Variants in CSNK1A1 observed in about 807,000 individuals in gnomAD.
CSNK1A1 encodes casein kinase I isoform alpha.
CSNK1A1 carries 7 observed loss-of-function variants against 46.1 expected under a neutral mutation model. That is an observed-to-expected ratio of 0.15 (90% CI 0.09 to 0.29). The LOEUF is 0.29. Ranked by LOEUF, CSNK1A1 falls within the 10% of genes least tolerant of loss-of-function variation. The pLI is 1.00. For synonymous variants in CSNK1A1, 137 were observed against 141.5 expected (o/e 0.97, Z 0.23); for missense variants, 96 against 417.1 (o/e 0.23, Z 6.71).
rs117165828 is a variant in CSNK1A1, at chr5:149,527,393, T to C, written c.231-2222A>G. Among the ~76,000 whole-genome samples, 836 of 152,292 alleles carry C rather than the reference T, an allele frequency of 5.5e-3. 19 individuals carry two copies. In the East Asian group the frequency reaches 0.081, roughly 15 times the overall value. On this transcript the variant is annotated intron_variant, in intron 2 of 9. Transcript: ENST00000377843. The stretch of plus-strand genomic sequence containing the variant: ...TCCACCTCTTGGCCTCCCAAAGTCC[T>C]GGGATTACAGGTTTGAGCCACCACA...
chr5:149,540,897 G>A lies in CSNK1A1; in HGVS notation c.230+9178C>T, dbSNP rs113331079. ...GTCCAAGACCAGCCTGGCCAATACG[G>A]TGAAACCCCATTTCTACAAAAATAC... On this transcript the variant is annotated intron_variant, in intron 2 of 9. Transcript: ENST00000377843. Among the ~76,000 whole-genome samples the A allele has an allele frequency of 2.4e-3, 359 of 151,874 alleles. 1 individual carries two copies. The highest frequency in any genetic ancestry group is 4.4e-3 in the Admixed American group (67 of 15,244).
intron 2 of CSNK1A1, among the ~76,000 whole-genome samples, chr5:149,543,035 A>G (rs1762354313): frequency 6.6e-6 from 1 of 152,030 alleles, no homozygotes; most frequent in South Asian, 2.1e-4. Context: ...CCTGCAATCC[A>G]CAGATTCAAA....
Position 149,511,685 on chromosome 5 carries a change from T to G in CSNK1A1, c.675+109A>C. On this transcript the variant is annotated intron_variant, in intron 6 of 9. Coordinates refer to ENST00000377843, the MANE Select transcript of CSNK1A1 (RefSeq NM_001892.6). ...AGTAAATTAAGGTTAATTCTTTATA[T>G]CTCAGAAAAATCTCAGACTTAGAAG... The G allele has an allele frequency of 5.3e-6, 4 of 751,852 alleles. No individual in the cohort carries two copies. In the South Asian group the frequency reaches 6.9e-5, roughly 13 times the overall value. 46.6% of individuals were successfully genotyped at this position (751,852 alleles called of 1,614,324 possible).
chr5:149,550,200 A>T lies in CSNK1A1; in HGVS notation c.124-19T>A. ...CCACTTCCTGCAGGGGAAAGAGGGGATGATGGCATCAACATCCCTACGGAT... is the reference window on the plus strand; with the variant it reads ...CCACTTCCTGCAGGGGAAAGAGGGGTTGATGGCATCAACATCCCTACGGAT... On this transcript the variant is annotated intron_variant, in intron 1 of 9. Transcript: ENST00000377843. The surrounding 1 kb of genome is among the most constrained non-coding windows in gnomAD (Gnocchi z 4.3). 1 of 1,611,790 alleles carries T rather than the reference A, an allele frequency of 6.2e-7. No homozygotes were observed. Among genetic ancestry groups the T allele is most frequent in the Non-Finnish European group, 8.5e-7 (1 of 1,178,804 alleles).
At position 149,519,403 on chromosome 5, in the gene CSNK1A1, A is replaced by G. The variant is rs572280800; in HGVS notation, c.456+887T>C. ...AAAAAAAGCCCCCAAGTTGTCCTGA[A>G]GTTGAGAATTTCTATCAGATAGATC... On this transcript the variant is annotated intron_variant, in intron 4 of 9. Transcript: ENST00000377843. Among the ~76,000 whole-genome samples, 33 of 152,360 alleles carry G rather than the reference A, an allele frequency of 2.2e-4. 1 individual carries two copies. Among genetic ancestry groups the G allele is most frequent in the African/African-American group, 6.7e-4 (28 of 41,592 alleles).
intron 2 of CSNK1A1, among the ~76,000 whole-genome samples, chr5:149,534,617 T>C (rs1762005899): frequency 6.6e-6 from 1 of 151,958 alleles, no homozygotes; most frequent in Non-Finnish European, 1.5e-5. Context: ...TCTATGGTTT[T>C]ACTGTGTCAT....
intron 2 of CSNK1A1, among the ~76,000 whole-genome samples, chr5:149,534,024 T>C (rs562799177): frequency 1.3e-5 from 2 of 152,214 alleles, no homozygotes; most frequent in Non-Finnish European, 2.9e-5. Flanking sequence ...TTGTACAACT[T>C]TGTACATATA....
chr5:149,497,558 AG>A, intron 9 of CSNK1A1: 1 of 985,422 alleles, frequency 1.0e-6, no homozygotes. Flanking sequence ...CCCTAGGCCA[AG>A]TTTGAATACA....
Position 149,496,876 on chromosome 5 carries a change from A to G in CSNK1A1, c.1007-16T>C. The G allele has an allele frequency of 6.5e-7, 1 of 1,542,994 alleles. No individual in the cohort carries two copies. Among genetic ancestry groups the G allele is most frequent in the Non-Finnish European group, 8.7e-7 (1 of 1,147,068 alleles). The stretch of plus-strand genomic sequence containing the variant: ...GCTTAGAAACCTGGTAAAAAATCAA[A>G]ACAAAAAAAAAGTTAAAATTCCAAG... On this transcript the variant is annotated splice_polypyrimidine_tract_variant and intron_variant, in intron 9 of 9. Transcript: ENST00000377843.
intron 2 of CSNK1A1, among the ~76,000 whole-genome samples, chr5:149,541,398 CCGCCTTGGCCT>C (rs1369978457): frequency 1.3e-5 from 2 of 151,992 alleles, no homozygotes; most frequent in Non-Finnish European, 2.9e-5. Flanking sequence ...AGTGATCCGC[CCGCCTTGGCCT>C]CCCAAAGTGC....
intron 2 of CSNK1A1, among the ~76,000 whole-genome samples, chr5:149,532,372 T>C (rs1451168364): frequency 6.9e-6 from 1 of 145,772 alleles, no homozygotes; most frequent in Admixed American, 6.9e-5. Context: ...GGCCACAGAG[T>C]GAGACTTAGT....
intron 7 of CSNK1A1, among the ~76,000 whole-genome samples, chr5:149,507,593 C>G (rs1301918193): frequency 6.6e-6 from 1 of 152,130 alleles, no homozygotes; most frequent in East Asian, 1.9e-4. Flanking sequence ...TCCTGAGTAG[C>G]TGGGACTACA....
In CSNK1A1 at chr5:149,550,251, G is replaced by GT. The variant is rs1762612939; in HGVS notation, c.124-71_124-70insA. On this transcript the variant is annotated intron_variant, in intron 1 of 9. Transcript: ENST00000377843. The surrounding 1 kb of genome is among the most constrained non-coding windows in gnomAD (Gnocchi z 4.3). ...TCAATGTCACTTAGGAAAGGAGGGA[G>GT]ACATTAGCAAAACTCCAAGTCGCGA... 3 of 1,561,040 alleles carry GT rather than the reference G, an allele frequency of 1.9e-6. No homozygotes were observed. Among genetic ancestry groups the GT allele is most frequent in the Non-Finnish European group, 2.6e-6 (3 of 1,153,844 alleles).
At chr5:149,539,164 G>A (rs1164949881) in intron 2 of CSNK1A1, among the ~76,000 whole-genome samples, 2 of 151,948 alleles carry the variant, frequency 1.3e-5, no homozygotes, top group Non-Finnish European at 2.9e-5. Context: ...TGATTACATG[G>A]GATTATATGT....
At chr5:149,498,394 G>T (rs1449687503) in intron 9 of CSNK1A1, 3 of 985,314 alleles carry the variant, frequency 3.0e-6, no homozygotes, top group South Asian at 9.4e-5. Context: ...ATGTTATTAA[G>T]AAGTATTAGC....
At chr5:149,519,574 C>T (rs969666001) in intron 4 of CSNK1A1, among the ~76,000 whole-genome samples, 20 of 152,120 alleles carry the variant, frequency 1.3e-4, no homozygotes, top group Admixed American at 9.2e-4. Flanking sequence ...TGCAATCATG[C>T]GCCACTAGCT....
chr5:149,528,718 T>C (rs1761795437), intron 2 of CSNK1A1, among the ~76,000 whole-genome samples: 1 of 152,216 alleles, frequency 6.6e-6, no homozygotes, highest in African/African-American at 2.4e-5. Flanking sequence ...AGCCATTAAC[T>C]ATTGCTTGTG....
At chr5:149,520,171 G>C in intron 4 of CSNK1A1, 119 bp downstream of exon 4, 2 of 606,972 alleles carry the variant, frequency 3.3e-6, no homozygotes, top group Non-Finnish European at 5.8e-6. Context: ...ATCTTTTAAA[G>C]CAACTGTCAA....
intron 2 of CSNK1A1, among the ~76,000 whole-genome samples, chr5:149,546,650 T>C (rs935803473): frequency 2.0e-5 from 3 of 148,546 alleles, no homozygotes; most frequent in Non-Finnish European, 4.5e-5. Flanking sequence ...AAAAAGCAAA[T>C]CCTATAGGGA....
Sources: allele counts gnomAD v4.1 joint callset (sites outside exome capture counted in the v4.1 genomes callset), GRCh38; gene constraint gnomAD v4.1.1; non-coding constraint Gnocchi (gnomAD v3.1); transcripts MANE v1.5; gene names NCBI Gene and HGNC (gene_info 2026-07-23, HGNC 2026-07-21).